The following LEPR variants were observed in gnomAD, a reference collection of about 807,000 sequenced individuals.
LEPR encodes OB receptor.
A neutral mutation model predicts 114.7 loss-of-function variants in LEPR; 56 were observed. The observed-to-expected ratio is 0.49, with a 90% CI of 0.39 to 0.61. The LOEUF (loss-of-function observed/expected upper bound fraction) is 0.61. LEPR is among the 20% of genes least tolerant of loss of function. LEPR has a pLI of 0.00. For missense variants in LEPR, 1,202 were observed against 1,352.9 expected (o/e 0.89, Z 1.75); for synonymous variants, 443 against 461.4 (o/e 0.96, Z 0.51).
At chr1:65,626,115 T>C (rs1299498101) in intron 19 of LEPR, 3 of 1,611,154 alleles carry the variant, frequency 1.9e-6, no homozygotes, top group Non-Finnish European at 8.5e-7. Context: ...TATTTTTCCC[T>C]TTTCCAGAAA....
intron 2 of LEPR, among the ~76,000 whole-genome samples, chr1:65,494,856 G>C (rs2100503518): frequency 6.6e-6 from 1 of 152,076 alleles, no homozygotes; most frequent in African/African-American, 2.4e-5. Context: ...ATGACCTGGG[G>C]CTATGATTCC....
intron 2 of LEPR, among the ~76,000 whole-genome samples, chr1:65,548,375 C>A (rs566126353): frequency 1.3e-5 from 2 of 151,962 alleles, no homozygotes; most frequent in East Asian, 3.9e-4. Flanking sequence ...TTAACTTTCT[C>A]TGTCGTTGAT....
At chr1:65,495,216 C>CA (rs1173202376) in intron 2 of LEPR, among the ~76,000 whole-genome samples, 2 of 151,598 alleles carry the variant, frequency 1.3e-5, no homozygotes, top group Non-Finnish European at 3.0e-5. Context: ...AACTCAATAG[C>CA]AAAAAAAGCC....
intron 2 of LEPR, among the ~76,000 whole-genome samples, chr1:65,545,256 G>T (rs1359357338): frequency 6.7e-5 from 10 of 148,976 alleles, no homozygotes; most frequent in Non-Finnish European, 1.3e-4. Context: ...GAATAGTGCC[G>T]CAATAAACAT....
intron 2 of LEPR, among the ~76,000 whole-genome samples, chr1:65,564,521 C>T (rs569584605): frequency 9.7e-5 from 9 of 92,380 alleles, no homozygotes; most frequent in Admixed American, 8.1e-4. Context: ...TTCTGCGTTG[C>T]TCATGCTGGG....
At chr1:65,426,842 C>CA (rs1053395533) in intron 2 of LEPR, among the ~76,000 whole-genome samples, 10 of 151,942 alleles carry the variant, frequency 6.6e-5, no homozygotes, top group South Asian at 2.1e-4. Flanking sequence ...ACTAAAAATA[C>CA]AAAAAATTAG....
intron 2 of LEPR, among the ~76,000 whole-genome samples, chr1:65,540,356 C>T (rs190209794): frequency 1.3e-5 from 2 of 152,122 alleles, no homozygotes; most frequent in Admixed American, 1.3e-4. Context: ...GGTGGTGGGG[C>T]CTGGTGGGAG....
chr1:65,623,078 G>C, intron 19 of LEPR, 97 bp downstream of exon 19: 1 of 1,184,714 alleles, frequency 8.4e-7, no homozygotes, highest in Non-Finnish European at 1.2e-6. Context: ...GATTTAAAAG[G>C]TCATATTTTA....
At chr1:65,504,263 C>A (rs1322062232) in intron 2 of LEPR, among the ~76,000 whole-genome samples, 2 of 152,150 alleles carry the variant, frequency 1.3e-5, no homozygotes, top group African/African-American at 2.4e-5. Context: ...GCTCTTCCAT[C>A]CTCAAGGAGG....
At chr1:65,472,986 C>G (rs12410666) in intron 2 of LEPR, among the ~76,000 whole-genome samples, 1 of 152,168 alleles carries the variant, frequency 6.6e-6, no homozygotes, top group Non-Finnish European at 1.5e-5. Context: ...TGGCTAAATG[C>G]CCCCAGGGAT....
At chr1:65,619,540 A>G (rs1012821877) in intron 16 of LEPR, among the ~76,000 whole-genome samples, 10 of 152,160 alleles carry the variant, frequency 6.6e-5, no homozygotes, top group South Asian at 2.1e-4. Context: ...CTGAATTCCT[A>G]TTAAAAAAAG....
intron 5 of LEPR, chr1:65,576,922 C>T (rs924487687): frequency 2.0e-5 from 7 of 356,604 alleles, no homozygotes; most frequent in Admixed American, 6.9e-5. Context: ...TCATACTGTC[C>T]AAGTTCCTGG....
intron 2 of LEPR, among the ~76,000 whole-genome samples, chr1:65,557,485 T>A (rs567540731): frequency 1.3e-5 from 2 of 152,304 alleles, no homozygotes; most frequent in South Asian, 4.1e-4. Context: ...AGTGGTGTGA[T>A]CTCAGCTCAC....
chr1:65,440,926 A>G (rs988673604), intron 2 of LEPR, among the ~76,000 whole-genome samples: 1 of 152,242 alleles, frequency 6.6e-6, no homozygotes. Flanking sequence ...AAAGAGGAGA[A>G]CAACAAATCA....
chr1:65,531,098 GGCCCT>G (rs1650362650), intron 2 of LEPR, among the ~76,000 whole-genome samples: 1 of 152,050 alleles, frequency 6.6e-6, no homozygotes, highest in Non-Finnish European at 1.5e-5. Flanking sequence ...TAACCTCCAA[GGCCCT>G]ACCTGATCAT....
intron 2 of LEPR, among the ~76,000 whole-genome samples, chr1:65,427,512 T>A (rs1646402771): frequency 6.6e-6 from 1 of 152,104 alleles, no homozygotes; most frequent in African/African-American, 2.4e-5. Flanking sequence ...TGAGCTGTGA[T>A]CACACCACTG....
At chr1:65,438,314 G>A (rs940355328) in intron 2 of LEPR, among the ~76,000 whole-genome samples, 2 of 151,880 alleles carry the variant, frequency 1.3e-5, no homozygotes, top group Non-Finnish European at 2.9e-5. Flanking sequence ...CACTTTGGGA[G>A]GCCGAGGTGG....
intron 2 of LEPR, among the ~76,000 whole-genome samples, chr1:65,451,390 C>G (rs1646782679): frequency 6.6e-6 from 1 of 151,734 alleles, no homozygotes; most frequent in Non-Finnish European, 1.5e-5. Flanking sequence ...AGGTTTTCTT[C>G]TAGGGTTTTT....
intron 11 of LEPR, among the ~76,000 whole-genome samples, chr1:65,605,546 G>T (rs1028701094): frequency 6.6e-6 from 1 of 152,006 alleles, no homozygotes; most frequent in African/African-American, 2.4e-5. Flanking sequence ...TTATGTTTTT[G>T]TTCCAATGTA....
Sources: gnomAD v4.1 joint callset for allele counts (sites outside exome capture counted in the v4.1 genomes callset) on GRCh38, gnomAD v4.1.1 for gene constraint, MANE v1.5 for transcripts, NCBI Gene and HGNC (gene_info 2026-07-23, HGNC 2026-07-21) for gene names.